The following MAP3K4 variants were observed in gnomAD, a reference collection of about 807,000 sequenced individuals.
The protein encoded by MAP3K4 is mitogen-activated protein kinase kinase kinase 4.
In MAP3K4, 67 loss-of-function variants were observed where a neutral mutation model predicts 185.6. The observed-to-expected ratio is 0.36, with a 90% CI of 0.30 to 0.44. The LOEUF is 0.44. Among genes scored for constraint, MAP3K4 ranks in the 20% least tolerant of loss-of-function variants. The pLI, the probability that MAP3K4 is intolerant of heterozygous loss-of-function variation, is 1.00. For missense variants in MAP3K4, 1,551 were observed against 1,995.1 expected, an observed-to-expected ratio of 0.78 and a Z score of 4.24; for synonymous variants, 702 against 710.4, an observed-to-expected ratio of 0.99 and a Z score of 0.19.
In MAP3K4 at chr6:161,049,648, A is replaced by G. The variant is rs777816012; in HGVS notation, c.1376A>G (p.Asp459Gly). ...GELKELESSTDESEEEQISDP... is the reference protein window; with the variant it reads ...GELKELESSTGESEEEQISDP... The stretch of plus-strand genomic sequence containing the variant: ...TTAAAGGAGTTGGAAAGTAGTACGG[A>G]TGAGAGTGAAGAAGAACAAATCTCT... The change falls in exon 3 of 27, where the codon GAT becomes GGT. Residue 459 changes from aspartate (D) to glycine (G), a missense_variant. By Grantham distance (94) the Asp-to-Gly change is moderately conservative. Around this residue, in one of 16 missense-constraint regions of MAP3K4, gnomAD observed 126 missense variants for 112.8 expected, o/e 1.12. Transcript: ENST00000392142. This position sits in a 1 kb window ranked among gnomAD's most constrained non-coding sequence, Gnocchi z 8.4. The G allele has an allele frequency of 6.2e-7, 1 of 1,614,160 alleles. No individual in the cohort carries two copies.
rs1042339476 is a variant in MAP3K4 at position 161,022,238 on chromosome 6, T to C, written c.153-12021T>C. The C allele has an allele frequency of 2.6e-5, 4 of 152,334 alleles. No individual in the cohort carries two copies. The highest frequency in any genetic ancestry group is 9.6e-5 in the African/African-American group (4 of 41,570). 9.4% of individuals were successfully genotyped at this position (152,334 alleles called of 1,614,324 possible). On this transcript the variant is annotated intron_variant, in intron 1 of 26. Transcript: ENST00000392142. This position sits in a 1 kb window ranked among gnomAD's most constrained non-coding sequence, Gnocchi z 4.2. ...TAATCCCTGCATTTGGTACGGAAGA[T>C]AAATAGCTATCTGAAGGAGACGATT...
chr6:161,076,835 T>G lies in MAP3K4; in HGVS notation c.2097+3223T>G, dbSNP rs943269631. Among the ~76,000 whole-genome samples, 1 of 152,174 alleles carries G rather than the reference T, an allele frequency of 6.6e-6. No homozygotes were observed. The highest frequency in any genetic ancestry group is 6.5e-5 in the Admixed American group (1 of 15,282). Reference sequence around the variant, plus strand: ...TCCACTGTGTGCCAGGCAGGCACCATGCGGGGACCAAGGAACTAGTGCCGA... The same window carrying G: ...TCCACTGTGTGCCAGGCAGGCACCAGGCGGGGACCAAGGAACTAGTGCCGA... On this transcript the variant is annotated intron_variant, in intron 5 of 26. Coordinates refer to ENST00000392142, the MANE Select transcript of MAP3K4 (RefSeq NM_005922.4). This position sits in a 1 kb window ranked among gnomAD's most constrained non-coding sequence, Gnocchi z 4.2.
rs111850160 is a variant in MAP3K4 at position 161,009,861 on chromosome 6, CG to C, written c.152+17783del. Among the ~76,000 whole-genome samples, 449 of 152,038 alleles carry C rather than the reference CG, an allele frequency of 3.0e-3. 1 individual carries two copies. Among genetic ancestry groups the C allele is most frequent in the African/African-American group, 0.01 (430 of 41,450 alleles). On this transcript the variant is annotated intron_variant, in intron 1 of 26. Coordinates refer to ENST00000392142, the MANE Select transcript of MAP3K4 (RefSeq NM_005922.4). ...GGGAACAACACTTACTGGGGCCTGT[CG>C]GGGGAAGGAGGTGGCGGGGAAGAGC...
At chr6:161,060,391 A>G (rs1199078764) in intron 3 of MAP3K4, among the ~76,000 whole-genome samples, 1 of 152,234 alleles carries the variant, frequency 6.6e-6, no homozygotes, top group East Asian at 1.9e-4. Context: ...ATGAATTTAA[A>G]CATATTTGGT....
rs940374697 is a variant in MAP3K4 at position 161,048,453 on chromosome 6, T to A, written c.344-163T>A. Among the ~76,000 whole-genome samples, 5 of 152,174 alleles carry A rather than the reference T, an allele frequency of 3.3e-5. No homozygotes were observed. Among genetic ancestry groups the A allele is most frequent in the African/African-American group, 1.2e-4 (5 of 41,442 alleles). Reference sequence around the variant, plus strand: ...TTTAAAATATAGAAAATGTCATATATATTTTTTGATTCCTTTAATTTTTAG... The same window carrying A: ...TTTAAAATATAGAAAATGTCATATAAATTTTTTGATTCCTTTAATTTTTAG... On this transcript the variant is annotated intron_variant, in intron 2 of 26. Coordinates refer to ENST00000392142, the MANE Select transcript of MAP3K4 (RefSeq NM_005922.4). The surrounding 1 kb of genome is among the most constrained non-coding windows in gnomAD (Gnocchi z 4.7).
intron 1 of MAP3K4, among the ~76,000 whole-genome samples, chr6:161,021,966 G>A (rs1369559634): frequency 1.3e-5 from 2 of 152,098 alleles, no homozygotes; most frequent in African/African-American, 4.8e-5. Flanking sequence ...AGAAAATGGT[G>A]TACATTTAAC....
chr6:161,091,344 T>C lies in MAP3K4; in HGVS notation c.2974-35T>C, dbSNP rs1562533401. ...ATGTGGTAAGTATTGTATGATTTGC[T>C]TCATTTTGCATTAATCATGGTTTGG... On this transcript the variant is annotated intron_variant, in intron 11 of 26. Coordinates refer to ENST00000392142, the MANE Select transcript of MAP3K4 (RefSeq NM_005922.4). This position sits in a 1 kb window ranked among gnomAD's most constrained non-coding sequence, Gnocchi z 5.5. The C allele has an allele frequency of 6.3e-7, 1 of 1,581,292 alleles. No individual in the cohort carries two copies. Among genetic ancestry groups the C allele is most frequent in the Admixed American group, 1.8e-5 (1 of 56,524 alleles).
At chr6:160,992,174 C>T in intron 1 of MAP3K4, 91 bp downstream of exon 1, 1 of 1,406,038 alleles carries the variant, frequency 7.1e-7, no homozygotes, top group Non-Finnish European at 9.2e-7. Context: ...TGCTTCCCGC[C>T]AGGTGGGGAG....
At chr6:161,113,311 T>C (rs569545189) in intron 25 of MAP3K4, among the ~76,000 whole-genome samples, 5 of 152,172 alleles carry the variant, frequency 3.3e-5, no homozygotes, top group East Asian at 1.9e-4. Context: ...TTTAACGACA[T>C]TGGGGAAGAG....
chr6:160,992,018 GCCGCCGCCACCA>G lies in MAP3K4; in HGVS notation c.93_104del (p.Pro33_Pro36del). On this transcript the variant is annotated inframe_deletion, in exon 1 of 27. Transcript: ENST00000392142. ...CCATGGAGGAGCCGCCGCCACCGCC[GCCGCCGCCACCA>G]CCGCCACCGGAACCCGAGACCGAGT... 2 of 1,553,642 alleles carry G rather than the reference GCCGCCGCCACCA, an allele frequency of 1.3e-6. No homozygotes were observed. The highest frequency in any genetic ancestry group is 8.6e-7 in the Non-Finnish European group (1 of 1,156,790).
chr6:161,081,182 A>G (rs1785437326), intron 6 of MAP3K4, 144 bp downstream of exon 6: 1 of 862,818 alleles, frequency 1.2e-6, no homozygotes, highest in Non-Finnish European at 1.7e-6. Flanking sequence ...CCCTCTTCCA[A>G]GTTTTGAGTG....
In MAP3K4 at chr6:161,070,627, C is replaced by G; in HGVS notation, c.1727C>G (p.Pro576Arg). Residue 576 changes from proline (P) to arginine (R), a missense_variant, in exon 4 of 27, where the codon CCC becomes CGC. Around this residue, in one of 16 missense-constraint regions of MAP3K4, gnomAD observed 86 missense variants for 81.6 expected, o/e 1.05. Coordinates refer to ENST00000392142, the MANE Select transcript of MAP3K4 (RefSeq NM_005922.4). This position sits in a 1 kb window ranked among gnomAD's most constrained non-coding sequence, Gnocchi z 4.5. ...RPVEFSEFPDPMWGSDYVQLS... is the reference protein window; with the variant it reads ...RPVEFSEFPDRMWGSDYVQLS... ...TTATAGTTTTCTGAATTTCCAGATC[C>G]CATGTGGGGTTCAGATTATGTGCAG... is the stretch of plus-strand genomic sequence containing the variant. The G allele has an allele frequency of 6.2e-7, 1 of 1,613,394 alleles. No individual in the cohort carries two copies.
chr6:161,020,265 C>CTTTGTTTGTTTG (rs58355990), intron 1 of MAP3K4, among the ~76,000 whole-genome samples: 1 of 151,476 alleles, frequency 6.6e-6, no homozygotes, highest in African/African-American at 2.4e-5. Context: ...ATGGACTTTT[C>CTTTGTTTGTTTG]TTTGTTTGTT....
rs546474274 is a variant in MAP3K4, at chr6:161,082,684, A to G, written c.2255+1646A>G. 6.6e-6 allele frequency among the ~76,000 whole-genome samples: 1 copy of G among 152,038 alleles called. No individual in the cohort carries two copies. Among genetic ancestry groups the G allele is most frequent in the East Asian group, 1.9e-4 (1 of 5,132 alleles). ...GACTCCTTTGTTTCCTGCACACACT[A>G]CCTCGACTCTTTTTGGGTGCCCTTT... On this transcript the variant is annotated intron_variant, in intron 6 of 26. Coordinates refer to ENST00000392142, the MANE Select transcript of MAP3K4 (RefSeq NM_005922.4). This position sits in a 1 kb window ranked among gnomAD's most constrained non-coding sequence, Gnocchi z 4.2.
In MAP3K4 at chr6:161,098,316, GCC is replaced by G; in HGVS notation, c.3565_3566del (p.Pro1189CysfsTer22). The G allele has an allele frequency of 2.6e-6, 4 of 1,552,070 alleles. No homozygotes were observed. Among genetic ancestry groups the G allele is most frequent in the Non-Finnish European group, 3.5e-6 (4 of 1,158,462 alleles). ...CCTTCCGACGCGCGGAGCCATGGCA[GCC>G]CTGCTGCTGCTGCTGCTGCTGCTGC... On this transcript the variant is annotated frameshift_variant, in exon 17 of 27. Coordinates refer to ENST00000392142, the MANE Select transcript of MAP3K4 (RefSeq NM_005922.4). LOFTEE classifies it high-confidence loss of function. This position sits in a 1 kb window ranked among gnomAD's most constrained non-coding sequence, Gnocchi z 4.4.
intron 1 of MAP3K4, among the ~76,000 whole-genome samples, chr6:161,021,883 T>G (rs774624093): frequency 3.3e-5 from 5 of 152,042 alleles, no homozygotes; most frequent in Non-Finnish European, 5.9e-5. Context: ...ATGTGTATTT[T>G]CACCTGTAAG....
At chr6:161,033,264 AAG>A (rs1783013082) in intron 1 of MAP3K4, among the ~76,000 whole-genome samples, 1 of 152,186 alleles carries the variant, frequency 6.6e-6, no homozygotes, top group Non-Finnish European at 1.5e-5. Flanking sequence ...AATGTTCAGA[AAG>A]AGGTAGACTG....
rs1452989564 is a variant in MAP3K4, at chr6:161,008,731, T to C, written c.152+16648T>C. On this transcript the variant is annotated intron_variant, in intron 1 of 26. Coordinates refer to ENST00000392142, the MANE Select transcript of MAP3K4 (RefSeq NM_005922.4). The surrounding 1 kb of genome is among the most constrained non-coding windows in gnomAD (Gnocchi z 4.1). ...TGTGAGCAGCATCCTAGAAAATCTC[T>C]TCCTACTTCTTGCACACACTACCCT... 6.6e-6 allele frequency among the ~76,000 whole-genome samples: 1 copy of C among 152,170 alleles called. No homozygotes were observed. Among genetic ancestry groups the C allele is most frequent in the Non-Finnish European group, 1.5e-5 (1 of 68,032 alleles).
Position 161,103,687 on chromosome 6 carries a change from C to T in MAP3K4, c.3856+908C>T, listed in dbSNP as rs1419579891. Among the ~76,000 whole-genome samples the T allele has an allele frequency of 1.3e-5, 2 of 152,192 alleles. No individual in the cohort carries two copies. The highest frequency in any genetic ancestry group is 4.8e-5 in the African/African-American group (2 of 41,446). On this transcript the variant is annotated intron_variant, in intron 19 of 26. Coordinates refer to ENST00000392142, the MANE Select transcript of MAP3K4 (RefSeq NM_005922.4). The surrounding 1 kb of genome is among the most constrained non-coding windows in gnomAD (Gnocchi z 4.6). ...GTGGGCAGCCCCAGAGGCTCTTGAGCAGCTGGTGTGTTTGGGATGTGGGAG... is the reference window on the plus strand; with the variant it reads ...GTGGGCAGCCCCAGAGGCTCTTGAGTAGCTGGTGTGTTTGGGATGTGGGAG...
Sources: allele counts gnomAD v4.1 joint callset (sites outside exome capture counted in the v4.1 genomes callset), GRCh38; gene constraint gnomAD v4.1.1; regional missense constraint gnomAD v4.1.1; non-coding constraint Gnocchi (gnomAD v3.1); transcripts MANE v1.5; gene names NCBI Gene and HGNC (gene_info 2026-07-23, HGNC 2026-07-21).